The following POC1A variants were observed in gnomAD, a reference collection of about 807,000 sequenced individuals.
POC1A encodes the protein POC1 centriolar protein homolog A.
A neutral mutation model predicts 47.8 loss-of-function variants in POC1A; 34 were observed. That is an observed-to-expected ratio of 0.71 (90% CI 0.54 to 0.95). The LOEUF is 0.95. Ranked by LOEUF, POC1A falls within the 40% of genes least tolerant of loss-of-function variation. The pLI is 0.00. For synonymous variants in POC1A, 177 were observed against 207.6 expected, an observed-to-expected ratio of 0.85 and a Z score of 1.27; for missense variants, 466 against 528.3, an observed-to-expected ratio of 0.88 and a Z score of 1.16.
chr3:52,149,773 G>A, intron 3 of POC1A, 43 bp downstream of exon 3: 1 of 1,574,328 alleles, frequency 6.4e-7, no homozygotes, highest in Non-Finnish European at 8.7e-7. Context: ...TCTGGCACCA[G>A]GGCCCCAGAC....
Position 52,145,831 on chromosome 3 carries a change from C to T in POC1A, c.679+15G>A. 2 of 1,565,844 alleles carry T rather than the reference C, an allele frequency of 1.3e-6. No individual in the cohort carries two copies. The highest frequency in any genetic ancestry group is 1.8e-6 in the Non-Finnish European group (2 of 1,136,652). ...CAGGGCTGCCCTTGGGCCCAGGAGG[C>T]TGTTCACCACTCACACTGATAATGC... On this transcript the variant is annotated intron_variant, in intron 6 of 10. Transcript: ENST00000296484.
Position 52,096,608 on chromosome 3 carries a change from C to A in POC1A, c.1086G>T (p.Thr362=), listed in dbSNP as rs570298576. 3.1e-6 allele frequency: 5 copies of A among 1,608,052 alleles called. No individual in the cohort carries two copies. Among genetic ancestry groups the A allele is most frequent in the African/African-American group, 2.7e-5 (2 of 74,362 alleles). ...CCAGCTGGCCCACAATGTGCTCCAG[C>A]GTGCTAGTCAGTGTCTGGGGCACAC... ...PVSVPQTLTS[T]LEHIVGQLDV... Residue 362 remains threonine, a synonymous_variant, in exon 10 of 11, where the codon ACG becomes ACT. Transcript: ENST00000296484.
chr3:52,145,341 C>T (rs1698328088), intron 6 of POC1A, among the ~76,000 whole-genome samples: 1 of 152,222 alleles, frequency 6.6e-6, no homozygotes, highest in African/African-American at 2.4e-5. Flanking sequence ...CTAAGTCAAC[C>T]CTCCCTATGA....
At chr3:52,113,094 G>C (rs1048352375) in intron 9 of POC1A, among the ~76,000 whole-genome samples, 1 of 152,222 alleles carries the variant, frequency 6.6e-6, no homozygotes. Context: ...AATGTTAAAA[G>C]GCCTGTCTCT....
At chr3:52,149,713 C>A in intron 3 of POC1A, 103 bp downstream of exon 3, 1 of 1,098,618 alleles carries the variant, frequency 9.1e-7, no homozygotes, top group Non-Finnish European at 1.3e-6. Flanking sequence ...GAGTAGAAGT[C>A]CCACTGTGAC....
chr3:52,144,389 T>C (rs761822477), intron 6 of POC1A, among the ~76,000 whole-genome samples: 19 of 152,182 alleles, frequency 1.2e-4, no homozygotes, highest in Non-Finnish European at 4.4e-5. Context: ...TGAAAGAGCA[T>C]TGGTAACAAA....
intron 4 of POC1A, 30 bp from the exon 5 acceptor site, chr3:52,147,125 C>G: frequency 6.6e-7 from 1 of 1,510,820 alleles, no homozygotes; most frequent in Non-Finnish European, 9.2e-7. Context: ...AGTCACATCA[C>G]AGACTAACAG....
intron 10 of POC1A, among the ~76,000 whole-genome samples, chr3:52,080,777 C>G (rs1702255100): frequency 6.6e-6 from 1 of 152,238 alleles, no homozygotes; most frequent in South Asian, 2.1e-4. Flanking sequence ...TGCTGTGGAA[C>G]TCGCCTGGGT....
intron 9 of POC1A, 106 bp from the exon 10 acceptor site, chr3:52,096,818 T>C: frequency 1.9e-6 from 2 of 1,055,444 alleles, no homozygotes; most frequent in South Asian, 1.7e-5. Context: ...CCAGCAAATT[T>C]GAGAAGGTAA....
chr3:52,145,860 A>C lies in POC1A; in HGVS notation c.665T>G (p.Leu222Arg). 1.9e-6 allele frequency: 3 copies of C among 1,612,390 alleles called. No homozygotes were observed. The highest frequency in any genetic ancestry group is 2.5e-6 in the Non-Finnish European group (3 of 1,178,762). The stretch of plus-strand genomic sequence containing the variant: ...TCACCACTCACACTGATAATGCTGC[A>C]GCAGCCGGTGAGTCCGCACGTCCCA... Reference protein sequence around the residue: ...KVWDVRTHRLLQHYQLHSAAV... With the variant: ...KVWDVRTHRLRQHYQLHSAAV... The change falls in exon 6 of 11, where the codon CTG (leucine) becomes CGG (arginine). Residue 222 changes from leucine (L) to arginine (R), a missense_variant. Physicochemically the swap from Leu to Arg is moderately radical, Grantham distance 102. Coordinates refer to ENST00000296484, the MANE Select transcript of POC1A (RefSeq NM_015426.5).
intron 6 of POC1A, among the ~76,000 whole-genome samples, chr3:52,140,865 C>A (rs1187765033): frequency 6.6e-6 from 1 of 152,230 alleles, no homozygotes; most frequent in Non-Finnish European, 1.5e-5. Flanking sequence ...GCATGAGAGT[C>A]TACCACGAAG....
At chr3:52,089,206 G>C (rs1702563687) in intron 10 of POC1A, among the ~76,000 whole-genome samples, 1 of 151,990 alleles carries the variant, frequency 6.6e-6, no homozygotes, top group African/African-American at 2.4e-5. Flanking sequence ...TGCGACTTGG[G>C]GAAGACACAG....
intron 7 of POC1A, among the ~76,000 whole-genome samples, chr3:52,127,539 C>T (rs754414156): frequency 2.6e-5 from 4 of 151,376 alleles, no homozygotes; most frequent in East Asian, 3.9e-4. Flanking sequence ...TACAGGTGCC[C>T]GCCACCACGC....
chr3:52,122,577 C>T, intron 8 of POC1A, 100 bp from the exon 9 acceptor site: 1 of 770,744 alleles, frequency 1.3e-6, no homozygotes. Flanking sequence ...AAGTTCTGAG[C>T]CATGGTGGGA....
rs1010520837 is a variant in POC1A at position 52,115,149 on chromosome 3, A to ATTT, written c.981+7227_981+7229dup. Among the ~76,000 whole-genome samples the ATTT allele has an allele frequency of 8.2e-5, 12 of 146,374 alleles. No homozygotes were observed. The South Asian group carries it at 2.6e-3, about 32-fold the overall frequency. ...GAAGCCAACAGTTCCCTTTAATAGTATTTTTTTTTTTTAAGAGATGGGGGT... is the reference window on the plus strand; with the variant it reads ...GAAGCCAACAGTTCCCTTTAATAGTATTTTTTTTTTTTTTTAAGAGATGGGGGT... On this transcript the variant is annotated intron_variant, in intron 9 of 10. Coordinates refer to ENST00000296484, the MANE Select transcript of POC1A (RefSeq NM_015426.5).
rs560198684 is a variant in POC1A at position 52,147,083 on chromosome 3, G to A, written c.468C>T (p.Asp156=). 4.7e-5 allele frequency: 76 copies of A among 1,613,902 alleles called. No homozygotes were observed. The highest frequency in any genetic ancestry group is 1.3e-4 in the South Asian group (12 of 91,078). ...NWVRCAKFSP[D]GRLIVSASDD... ...CACTGGCAGACACGATGAGCCGCCC[G>A]TCGGGGGAGAACCTGAACCGGGTGG... The change falls in exon 5 of 11, where the codon GAC becomes GAT. Residue 156 remains aspartate, a synonymous_variant. Coordinates refer to ENST00000296484, the MANE Select transcript of POC1A (RefSeq NM_015426.5).
At chr3:52,119,134 A>C (rs1703675851) in intron 9 of POC1A, among the ~76,000 whole-genome samples, 1 of 152,012 alleles carries the variant, frequency 6.6e-6, no homozygotes, top group South Asian at 2.1e-4. Flanking sequence ...GTGGAAGCCC[A>C]AATCTGGCCC....
In POC1A at chr3:52,138,266, G is replaced by A. The variant is rs770645344; in HGVS notation, c.716C>T (p.Pro239Leu). The change falls in exon 7 of 11, where the codon CCG becomes CTG. Residue 239 changes from proline to leucine, a missense_variant. Coordinates refer to ENST00000296484, the MANE Select transcript of POC1A (RefSeq NM_015426.5). ...GGCTGTGATCAGGTAGTTTCCCGAC[G>A]GGTGGAAAGAGAGCCCGTTCACTGC... ...SAAVNGLSFH[P>L]SGNYLITASS... The A allele has an allele frequency of 1.5e-5, 25 of 1,613,884 alleles. No individual in the cohort carries two copies. The highest frequency in any genetic ancestry group is 1.3e-4 in the South Asian group (12 of 91,064).
chr3:52,152,952 T>C (rs1246900180), intron 1 of POC1A, among the ~76,000 whole-genome samples: 1 of 152,232 alleles, frequency 6.6e-6, no homozygotes, highest in Non-Finnish European at 1.5e-5. Context: ...AAGTTCAGAA[T>C]AGTCAAATCT....
Sources: allele counts gnomAD v4.1 joint callset (sites outside exome capture counted in the v4.1 genomes callset), GRCh38; gene constraint gnomAD v4.1.1; transcripts MANE v1.5; gene names NCBI Gene and HGNC (gene_info 2026-07-23, HGNC 2026-07-21).